The following ZNF385D variants were observed in gnomAD, a reference collection of about 807,000 sequenced individuals.
ZNF385D encodes the protein zinc finger protein 385D.
In ZNF385D, 15 loss-of-function variants were observed where a neutral mutation model predicts 35.8. The observed-to-expected ratio is 0.42, with a 90% CI of 0.28 to 0.64. ZNF385D has a LOEUF of 0.64. Among genes scored for constraint, ZNF385D ranks in the 30% least tolerant of loss-of-function variants. ZNF385D has a pLI of 0.23. For missense variants in ZNF385D, 474 were observed against 494.6 expected, an observed-to-expected ratio of 0.96 and a Z score of 0.39; for synonymous variants, 212 against 186.8, an observed-to-expected ratio of 1.13 and a Z score of -1.10.
intron 3 of ZNF385D, among the ~76,000 whole-genome samples, chr3:21,880,861 T>C (rs764987761): frequency 4.6e-5 from 7 of 151,862 alleles, no homozygotes; most frequent in Admixed American, 1.3e-4. Flanking sequence ...AACAGCCTTA[T>C]TGCTGATACG....
intron 2 of ZNF385D, among the ~76,000 whole-genome samples, chr3:22,309,005 G>T (rs1703390415): frequency 1.3e-5 from 2 of 152,106 alleles, no homozygotes; most frequent in Middle Eastern, 3.4e-3. Context: ...AGGCTATAAA[G>T]CTAATTTTTC....
At chr3:22,113,997 T>C (rs979454839) in intron 3 of ZNF385D, among the ~76,000 whole-genome samples, 1 of 152,056 alleles carries the variant, frequency 6.6e-6, no homozygotes, top group Non-Finnish European at 1.5e-5. Context: ...TTGAGAAAAG[T>C]AATATATTTG....
intron 1 of ZNF385D, among the ~76,000 whole-genome samples, chr3:21,690,632 G>A (rs1022948242): frequency 2.0e-5 from 3 of 152,072 alleles, no homozygotes; most frequent in African/African-American, 7.2e-5. Flanking sequence ...TTACCTTGAA[G>A]ACCCACTCTC....
At chr3:21,913,255 G>C (rs571571355) in intron 3 of ZNF385D, among the ~76,000 whole-genome samples, 1 of 152,082 alleles carries the variant, frequency 6.6e-6, no homozygotes, top group Non-Finnish European at 1.5e-5. Context: ...GCTGCAATGC[G>C]TGTTAACTAG....
At chr3:21,461,463 G>T (rs557069296) in intron 4 of ZNF385D, among the ~76,000 whole-genome samples, 1 of 151,994 alleles carries the variant, frequency 6.6e-6, no homozygotes, top group Non-Finnish European at 1.5e-5. Context: ...CAGGAGAATC[G>T]TTTGAACCCA....
chr3:22,294,104 C>A lies in ZNF385D; in HGVS notation c.106+78346G>T, dbSNP rs190194634. ...GAGGAATGTTGAATACATAATGATACTCTAAGACCATTATAAATATAACCT... is the reference window on the plus strand; with the variant it reads ...GAGGAATGTTGAATACATAATGATAATCTAAGACCATTATAAATATAACCT... On this transcript the variant is annotated intron_variant, in intron 2 of 5. Transcript: ENST00000494108. Among the ~76,000 whole-genome samples the A allele has an allele frequency of 2.0e-3, 310 of 151,794 alleles. 2 individuals are homozygous for A. Among genetic ancestry groups the A allele is most frequent in the African/African-American group, 7.2e-3 (299 of 41,374 alleles).
At chr3:22,321,180 T>A (rs925185644) in intron 2 of ZNF385D, among the ~76,000 whole-genome samples, 1 of 149,484 alleles carries the variant, frequency 6.7e-6, no homozygotes, top group African/African-American at 2.5e-5. Context: ...TTTTTTTTTT[T>A]TTTTTCATTT....
intron 4 of ZNF385D, among the ~76,000 whole-genome samples, chr3:21,476,511 T>C (rs1704260484): frequency 6.6e-6 from 1 of 151,964 alleles, no homozygotes; most frequent in Non-Finnish European, 1.5e-5. Context: ...ATGCTACATA[T>C]ATTGGTTTGA....
chr3:21,747,636 A>G (rs6797015), intron 1 of ZNF385D, among the ~76,000 whole-genome samples: 2,925 of 152,316 alleles, frequency 0.019, 79 homozygotes, highest in African/African-American at 0.066. Context: ...CGGTGCTTAG[A>G]GCTGGAGACA....
chr3:22,324,783 T>C (rs1409662081), intron 2 of ZNF385D, among the ~76,000 whole-genome samples: 2 of 152,146 alleles, frequency 1.3e-5, no homozygotes, highest in East Asian at 3.8e-4. Flanking sequence ...CAATACTGTG[T>C]CCCCTTTGAC....
rs914207049 is a variant in ZNF385D, at chr3:21,876,466, T to C, written c.326-211438A>G. Among the ~76,000 whole-genome samples the C allele has an allele frequency of 4.0e-5, 6 of 151,390 alleles. No homozygotes were observed. In the East Asian group the frequency reaches 7.7e-4, roughly 20 times the overall value. Reference sequence around the variant, plus strand: ...GTCTTCAAGAAAATGAAAAATTATATATAATATATATATTCTTTTGACTAA... The same window carrying C: ...GTCTTCAAGAAAATGAAAAATTATACATAATATATATATTCTTTTGACTAA... On this transcript the variant is annotated intron_variant, in intron 3 of 5. Transcript: ENST00000494108.
chr3:21,936,163 T>A (rs1701246294), intron 3 of ZNF385D, among the ~76,000 whole-genome samples: 2 of 152,084 alleles, frequency 1.3e-5, no homozygotes, highest in Non-Finnish European at 2.9e-5. Context: ...TTCAAGAGCC[T>A]CAGCCCTGCG....
rs548772452 is a variant in ZNF385D at position 22,016,889 on chromosome 3, AATTT to A, written c.325+151924_325+151927del. ...GCTAAGATCTAATAAAAGTTTATTG[AATTT>A]ATCTATCAATCTATCTATCTATCCT... On this transcript the variant is annotated intron_variant, in intron 3 of 5. Coordinates refer to the ZNF385D transcript ENST00000494108. Among the ~76,000 whole-genome samples the A allele has an allele frequency of 4.9e-3, 740 of 151,620 alleles. 4 individuals are homozygous for A. Among genetic ancestry groups the A allele is most frequent in the African/African-American group, 0.017 (697 of 41,110 alleles).
intron 1 of ZNF385D, among the ~76,000 whole-genome samples, chr3:21,713,814 T>C (rs2068209314): frequency 6.6e-6 from 1 of 152,200 alleles, no homozygotes; most frequent in Non-Finnish European, 1.5e-5. Flanking sequence ...ACTGCAACTT[T>C]ACTAGAATCT....
At chr3:22,140,455 C>T (rs906464327) in intron 3 of ZNF385D, among the ~76,000 whole-genome samples, 3 of 152,020 alleles carry the variant, frequency 2.0e-5, no homozygotes, top group Non-Finnish European at 4.4e-5. Context: ...AGGAGTAGAG[C>T]AATTGTGTAT....
intron 1 of ZNF385D, among the ~76,000 whole-genome samples, chr3:21,687,620 C>G (rs968845200): frequency 2.6e-5 from 4 of 152,096 alleles, no homozygotes; most frequent in African/African-American, 9.7e-5. Context: ...TACATTAAGG[C>G]TCACTCTTGG....
chr3:21,992,419 AGTTAG>A (rs1695204601), intron 3 of ZNF385D, among the ~76,000 whole-genome samples: 1 of 152,164 alleles, frequency 6.6e-6, no homozygotes, highest in Admixed American at 6.5e-5. Context: ...CGTTTCTGTG[AGTTAG>A]AAGCAAAATA....
chr3:21,881,207 G>C (rs917962950), intron 3 of ZNF385D, among the ~76,000 whole-genome samples: 2 of 151,762 alleles, frequency 1.3e-5, no homozygotes, highest in African/African-American at 2.4e-5. Flanking sequence ...TACATTGAAA[G>C]AGGATGTCAT....
At chr3:22,329,184 G>A (rs1476156310) in intron 2 of ZNF385D, among the ~76,000 whole-genome samples, 1 of 151,848 alleles carries the variant, frequency 6.6e-6, no homozygotes, top group Non-Finnish European at 1.5e-5. Context: ...CGTCCGTGCT[G>A]ATGTACATCC....
Sources: allele counts gnomAD v4.1 joint callset (sites outside exome capture counted in the v4.1 genomes callset), GRCh38; gene constraint gnomAD v4.1.1; transcripts MANE v1.5; gene names NCBI Gene and HGNC (gene_info 2026-07-23, HGNC 2026-07-21).